Variants in SP140L observed in about 807,000 individuals in gnomAD.
SP140L encodes the protein nuclear body protein SP140-like protein.
In SP140L, 64 loss-of-function variants were observed where a neutral mutation model predicts 84.3. That is an observed-to-expected ratio of 0.76 (90% confidence interval 0.62 to 0.94). SP140L has a LOEUF of 0.94. Among genes scored for constraint, SP140L ranks in the 40% least tolerant of loss-of-function variants. SP140L has a pLI of 0.00. For missense variants in SP140L, 628 were observed against 692.5 expected, an observed-to-expected ratio of 0.91 and a Z score of 1.05; for synonymous variants, 242 against 236.9, an observed-to-expected ratio of 1.02 and a Z score of -0.20.
intron 2 of SP140L, among the ~76,000 whole-genome samples, chr2:230,356,823 C>T (rs1035069106): frequency 3.3e-5 from 5 of 152,196 alleles, no homozygotes; most frequent in Non-Finnish European, 1.5e-5. Context: ...CTCTTATGTG[C>T]TCATTGTCCT....
At chr2:230,354,909 A>ATT (rs1559420484) in intron 2 of SP140L, among the ~76,000 whole-genome samples, 4 of 136,012 alleles carry the variant, frequency 2.9e-5, no homozygotes, top group Non-Finnish European at 6.4e-5. Flanking sequence ...AAAGAGAAAG[A>ATT]AGAAAGAAAA....
intron 12 of SP140L, among the ~76,000 whole-genome samples, chr2:230,392,436 A>G (rs2061858870): frequency 2.0e-5 from 3 of 152,190 alleles, no homozygotes; most frequent in Non-Finnish European, 4.4e-5. Context: ...CTCCATCAGG[A>G]TAGACTCAGC....
In SP140L at chr2:230,379,248, C is replaced by T. The variant is rs80102346; in HGVS notation, c.638-4262C>T. 2.6e-3 allele frequency among the ~76,000 whole-genome samples: 398 copies of T among 152,040 alleles called. 5 individuals are homozygous for T. The highest frequency in any genetic ancestry group is 3.8e-3 in the Non-Finnish European group (259 of 67,950). On this transcript the variant is annotated intron_variant, in intron 7 of 18. Coordinates refer to ENST00000415673, the MANE Select transcript of SP140L (RefSeq NM_138402.6). The stretch of plus-strand genomic sequence containing the variant: ...ATTCCAGATGTATATGGACCTGTAT[C>T]TTCTGTGGTAGTGTTGACCATTCTT...
chr2:230,349,218 C>G (rs1451644754), intron 2 of SP140L, among the ~76,000 whole-genome samples: 1 of 152,156 alleles, frequency 6.6e-6, no homozygotes, highest in Non-Finnish European at 1.5e-5. Flanking sequence ...GCACTCTCAT[C>G]TCTGTTTCAC....
intron 2 of SP140L, among the ~76,000 whole-genome samples, chr2:230,332,550 A>G (rs1016957014): frequency 1.3e-5 from 2 of 152,250 alleles, no homozygotes; most frequent in African/African-American, 4.8e-5. Flanking sequence ...TTTGAGGTTC[A>G]TCAGTAATCA....
At chr2:230,367,957 A>G (rs566574741) in intron 5 of SP140L, among the ~76,000 whole-genome samples, 17 of 152,158 alleles carry the variant, frequency 1.1e-4, no homozygotes, top group Non-Finnish European at 2.1e-4. Context: ...TGTAGGTATT[A>G]TTTTTAAGTT....
intron 2 of SP140L, among the ~76,000 whole-genome samples, chr2:230,330,605 G>A (rs1400991092): frequency 2.6e-5 from 4 of 152,180 alleles, no homozygotes; most frequent in Admixed American, 1.3e-4. Flanking sequence ...TATGGCTCAC[G>A]TATATGATTA....
At chr2:230,369,559 C>T (rs1485089640) in intron 5 of SP140L, among the ~76,000 whole-genome samples, 2 of 152,168 alleles carry the variant, frequency 1.3e-5, no homozygotes, top group African/African-American at 4.8e-5. Flanking sequence ...TCAGGCACTA[C>T]AGACTTTCAG....
At chr2:230,328,068 A>AT (rs2059629695) in intron 1 of SP140L, among the ~76,000 whole-genome samples, 1 of 152,010 alleles carries the variant, frequency 6.6e-6, no homozygotes, top group Admixed American at 6.6e-5. Flanking sequence ...ATTTTATTTC[A>AT]TTTTTTTGAG....
intron 7 of SP140L, among the ~76,000 whole-genome samples, chr2:230,379,676 G>A (rs1220621426): frequency 6.6e-6 from 1 of 152,004 alleles, no homozygotes; most frequent in Non-Finnish European, 1.5e-5. Context: ...TCTAAGTGTT[G>A]TATGTACAAA....
chr2:230,400,770 C>A, intron 15 of SP140L, 185 bp from the exon 16 acceptor site: 1 of 1,378,758 alleles, frequency 7.3e-7, no homozygotes, highest in Non-Finnish European at 1.0e-6. Context: ...GCTGCTACCA[C>A]TGATGCGAGG....
chr2:230,335,927 T>C (rs2059862373), intron 2 of SP140L, among the ~76,000 whole-genome samples: 1 of 152,200 alleles, frequency 6.6e-6, no homozygotes, highest in Non-Finnish European at 1.5e-5. Flanking sequence ...GAAGATTTAT[T>C]GCAGCGTGAA....
chr2:230,336,130 A>G (rs370038550), intron 2 of SP140L, among the ~76,000 whole-genome samples: 183 of 152,254 alleles, frequency 1.2e-3, no homozygotes, highest in African/African-American at 4.3e-3. Flanking sequence ...TTTACTAAAT[A>G]TGGTTAATCC....
chr2:230,348,706 G>C (rs552817270), intron 2 of SP140L, among the ~76,000 whole-genome samples: 2 of 152,258 alleles, frequency 1.3e-5, no homozygotes, highest in African/African-American at 4.8e-5. Flanking sequence ...AAACACAAAA[G>C]ATTTCAGTTT....
intron 7 of SP140L, among the ~76,000 whole-genome samples, chr2:230,376,835 G>A (rs1248336255): frequency 6.6e-6 from 1 of 152,010 alleles, no homozygotes; most frequent in Admixed American, 6.6e-5. Context: ...TACAAAGCAA[G>A]AGTAATCAAA....
At chr2:230,372,852 A>G (rs1013865692) in intron 7 of SP140L, 6 of 152,196 alleles carry the variant, frequency 3.9e-5, no homozygotes, top group Non-Finnish European at 7.3e-5. Flanking sequence ...GGCCTTTTGC[A>G]GAAAATAATT....
At chr2:230,384,655 G>A (rs2061513440) in intron 8 of SP140L, among the ~76,000 whole-genome samples, 1 of 152,220 alleles carries the variant, frequency 6.6e-6, no homozygotes, top group Admixed American at 6.5e-5. Context: ...GCTCATGCCT[G>A]TAACCCCAAC....
chr2:230,348,009 T>C lies in SP140L; in HGVS notation c.108-9796T>C, dbSNP rs114904700. On this transcript the variant is annotated intron_variant, in intron 2 of 18. Coordinates refer to ENST00000415673, the MANE Select transcript of SP140L (RefSeq NM_138402.6). Reference sequence around the variant, plus strand: ...TGGTCTAGCCCCACTGATTTCCTCTTTGTTTCCCATGAGACAAGACAGAAG... The same window carrying C: ...TGGTCTAGCCCCACTGATTTCCTCTCTGTTTCCCATGAGACAAGACAGAAG... 7.2e-3 allele frequency among the ~76,000 whole-genome samples: 1,093 copies of C among 152,326 alleles called. 11 individuals carry two copies. Among genetic ancestry groups the C allele is most frequent in the African/African-American group, 0.025 (1,035 of 41,572 alleles).
chr2:230,377,447 A>G (rs1480621249), intron 7 of SP140L, among the ~76,000 whole-genome samples: 1 of 152,204 alleles, frequency 6.6e-6, no homozygotes, highest in African/African-American at 2.4e-5. Context: ...TGCTTTTGAG[A>G]TACATCCATG....
Sources: gnomAD v4.1 joint callset for allele counts (sites outside exome capture counted in the v4.1 genomes callset) on GRCh38, gnomAD v4.1.1 for gene constraint, MANE v1.5 for transcripts, NCBI Gene and HGNC (gene_info 2026-07-23, HGNC 2026-07-21) for gene names.